The following DHTKD1 variants were observed in gnomAD, a reference collection of about 807,000 sequenced individuals.
The protein encoded by DHTKD1 is dehydrogenase E1 and transketolase domain containing 1.
In DHTKD1, 78 loss-of-function variants were observed where a neutral mutation model predicts 101.8. The ratio of observed to expected loss-of-function variants is 0.77; its 90% CI spans 0.64 to 0.93. The LOEUF is 0.93. Ranked by LOEUF, DHTKD1 falls within the 40% of genes least tolerant of loss-of-function variation. The pLI, the probability that DHTKD1 is intolerant of heterozygous loss-of-function variation, is 0.00. For synonymous variants in DHTKD1, 462 were observed against 450.3 expected (o/e 1.03, Z -0.33); for missense variants, 1,223 against 1,161.7 (o/e 1.05, Z -0.77).
At chr10:12,082,636 G>A (rs1384479477) in intron 2 of DHTKD1, among the ~76,000 whole-genome samples, 1 of 150,826 alleles carries the variant, frequency 6.6e-6, no homozygotes, top group African/African-American at 2.4e-5. Context: ...TTTGAGACGG[G>A]CCTCCAAAGG....
intron 6 of DHTKD1, among the ~76,000 whole-genome samples, 195 bp downstream of exon 6, chr10:12,091,879 AC>A (rs1832996094): frequency 6.6e-6 from 1 of 151,806 alleles, no homozygotes; most frequent in African/African-American, 2.4e-5. Context: ...ATCTTGGCTC[AC>A]TGCAACTTCT....
rs532208791 is a variant in DHTKD1 at position 12,112,313 on chromosome 10, A to G, written c.2155-587A>G. On this transcript the variant is annotated intron_variant, in intron 12 of 16. Transcript: ENST00000263035. ...CTGGGTGAGAGAACGAGACTCTGTA[A>G]CAACAACAAAAATAATTGTCCAGAT... is the stretch of plus-strand genomic sequence containing the variant. 2.8e-4 allele frequency among the ~76,000 whole-genome samples: 43 copies of G among 152,214 alleles called. No homozygotes were observed. In the East Asian group the frequency reaches 7.3e-3, roughly 26 times the overall value.
chr10:12,077,069 A>G (rs1354265872), intron 1 of DHTKD1, among the ~76,000 whole-genome samples: 1 of 147,774 alleles, frequency 6.8e-6, no homozygotes, highest in Non-Finnish European at 1.5e-5. Context: ...TCTTTTGTTT[A>G]TGAAAAATAT....
Position 12,122,212 on chromosome 10 carries a change from A to T in DHTKD1, c.*1324A>T, listed in dbSNP as rs916000694. The T allele has an allele frequency of 6.6e-6, 1 of 152,208 alleles. No individual in the cohort carries two copies. Among genetic ancestry groups the T allele is most frequent in the Non-Finnish European group, 1.5e-5 (1 of 68,048 alleles). The allele number at this position is 152,208 out of a possible 1,614,324, so 9.4% of individuals were successfully genotyped here. ...TTCTTTAAATTGTTCTTACAGTGAT[A>T]TCTTACTATTTTTAACTGTCTGGGG... is the stretch of plus-strand genomic sequence containing the variant. On this transcript the variant is annotated 3_prime_UTR_variant, in exon 17 of 17. Coordinates refer to ENST00000263035, the MANE Select transcript of DHTKD1 (RefSeq NM_018706.7).
At chr10:12,076,093 G>A (rs145959759) in intron 1 of DHTKD1, among the ~76,000 whole-genome samples, 1 of 151,716 alleles carries the variant, frequency 6.6e-6, no homozygotes, top group East Asian at 1.9e-4. Flanking sequence ...CAACTGATGA[G>A]AGCAGTGCTG....
Position 12,120,912 on chromosome 10 carries a change from T to C in DHTKD1, c.*24T>C. ...GATGATGACTTTTGAAGAAACACTA[T>C]TTCTCTTTAAGAAAATGGCCATTAA... is the stretch of plus-strand genomic sequence containing the variant. On this transcript the variant is annotated 3_prime_UTR_variant, in exon 17 of 17. Transcript: ENST00000263035. 1 of 1,609,710 alleles carries C rather than the reference T, an allele frequency of 6.2e-7. No individual in the cohort carries two copies. The highest frequency in any genetic ancestry group is 8.5e-7 in the Non-Finnish European group (1 of 1,176,940).
intron 16 of DHTKD1, 122 bp from the exon 17 acceptor site, chr10:12,120,665 T>C (rs1833513224): frequency 1.2e-6 from 1 of 844,600 alleles, no homozygotes; most frequent in Admixed American, 2.1e-5. Context: ...TAACTCATTA[T>C]TTGAAAGAGG....
intron 7 of DHTKD1, among the ~76,000 whole-genome samples, chr10:12,096,216 C>T (rs897291922): frequency 3.3e-5 from 5 of 151,972 alleles, no homozygotes; most frequent in African/African-American, 4.8e-5. Context: ...GATTCCCCTC[C>T]TCCAAGTTTA....
intron 1 of DHTKD1, among the ~76,000 whole-genome samples, chr10:12,073,686 G>A (rs747646673): frequency 6.6e-6 from 1 of 152,164 alleles, no homozygotes; most frequent in Non-Finnish European, 1.5e-5. Flanking sequence ...GAAAAGCTCA[G>A]TCTGGCCCAG....
Position 12,122,804 on chromosome 10 carries a change from C to T in DHTKD1, c.*1916C>T, listed in dbSNP as rs912695822. Reference sequence around the variant, plus strand: ...CAGCGAACCATGTAGCTTCACCTGACTCAGTGCTGGGGGCCTCTACCATCT... The same window carrying T: ...CAGCGAACCATGTAGCTTCACCTGATTCAGTGCTGGGGGCCTCTACCATCT... On this transcript the variant is annotated 3_prime_UTR_variant, in exon 17 of 17. Coordinates refer to ENST00000263035, the MANE Select transcript of DHTKD1 (RefSeq NM_018706.7). The T allele has an allele frequency of 6.6e-6, 1 of 152,212 alleles. No individual in the cohort carries two copies. Among genetic ancestry groups the T allele is most frequent in the African/African-American group, 2.4e-5 (1 of 41,458 alleles). 9.4% of individuals were successfully genotyped at this position (152,212 alleles called of 1,614,324 possible).
In DHTKD1 at chr10:12,081,307, A is replaced by G. The variant is rs950720697; in HGVS notation, c.155-165A>G. Among the ~76,000 whole-genome samples the G allele has an allele frequency of 1.1e-4, 16 of 144,134 alleles. 1 individual carries two copies. Among genetic ancestry groups the G allele is most frequent in the African/African-American group, 3.7e-4 (14 of 38,246 alleles). The allele number at this position is 144,134 out of a possible 152,430, so 94.6% of individuals were successfully genotyped here. On this transcript the variant is annotated intron_variant, in intron 1 of 16. Transcript: ENST00000263035. ...AAAAAAAAAAAAAAGTGATGGTTCT[A>G]CTGCACTCCAGCCTGGGCAATAGAG...
Position 12,084,698 on chromosome 10 carries a change from A to T in DHTKD1, c.469A>T (p.Thr157Ser). 5.6e-6 allele frequency: 9 copies of T among 1,614,144 alleles called. No homozygotes were observed. Among genetic ancestry groups the T allele is most frequent in the Non-Finnish European group, 7.6e-6 (9 of 1,180,022 alleles). Residue 157 changes from threonine to serine, a missense_variant, in exon 3 of 17, where the codon ACG becomes TCG. Coordinates refer to ENST00000263035, the MANE Select transcript of DHTKD1 (RefSeq NM_018706.7). Reference sequence around the variant, plus strand: ...GCGGTTTGAGGAACTGCAAAAGGAGACGTTTACCACAGAAGAGCGAAAACA... The same window carrying T: ...GCGGTTTGAGGAACTGCAAAAGGAGTCGTTTACCACAGAAGAGCGAAAACA... ...AKRFEELQKE[T>S]FTTEERKHLS...
intron 6 of DHTKD1, among the ~76,000 whole-genome samples, chr10:12,093,644 A>G (rs1279880911): frequency 1.3e-5 from 2 of 152,220 alleles, no homozygotes; most frequent in Non-Finnish European, 2.9e-5. Context: ...GATTAGTCTG[A>G]TGAAGATTCT....
intron 13 of DHTKD1, among the ~76,000 whole-genome samples, chr10:12,114,658 A>G (rs1370500648): frequency 6.6e-6 from 1 of 152,010 alleles, no homozygotes; most frequent in African/African-American, 2.4e-5. Flanking sequence ...AGACGTTTAG[A>G]ATTTGGCCAT....
intron 1 of DHTKD1, among the ~76,000 whole-genome samples, chr10:12,077,335 C>A (rs1832749636): frequency 6.7e-6 from 1 of 150,366 alleles, no homozygotes; most frequent in South Asian, 2.1e-4. Context: ...TCAAGCAATT[C>A]TCCTACTTCA....
chr10:12,069,264 T>A, intron 1 of DHTKD1, 77 bp downstream of exon 1: 1 of 1,014,048 alleles, frequency 9.9e-7, no homozygotes, highest in East Asian at 6.9e-5. Context: ...CGGTGGGGTG[T>A]CGGGGTCGGG....
Position 12,119,529 on chromosome 10 carries a change from T to G in DHTKD1, c.2572+611T>G, listed in dbSNP as rs1249836890. Among the ~76,000 whole-genome samples, 24 of 140,356 alleles carry G rather than the reference T, an allele frequency of 1.7e-4. 1 individual carries two copies. Among genetic ancestry groups the G allele is most frequent in the Non-Finnish European group, 1.8e-4 (12 of 66,686 alleles). 92.1% of individuals were successfully genotyped at this position (140,356 alleles called of 152,430 possible). Reference sequence around the variant, plus strand: ...TACTTGGGAGGCTGACGCAGGAGAATGGCGTGAACCCGGGAGGCGGAGCTT... The same window carrying G: ...TACTTGGGAGGCTGACGCAGGAGAAGGGCGTGAACCCGGGAGGCGGAGCTT... On this transcript the variant is annotated intron_variant, in intron 15 of 16. Transcript: ENST00000263035.
At chr10:12,093,113 G>A (rs900627543) in intron 6 of DHTKD1, among the ~76,000 whole-genome samples, 8 of 150,236 alleles carry the variant, frequency 5.3e-5, no homozygotes, top group Non-Finnish European at 1.0e-4. Flanking sequence ...GCGCCATCTC[G>A]GTTCACCACA....
chr10:12,100,439 A>AT (rs1833151491), intron 9 of DHTKD1, among the ~76,000 whole-genome samples, 177 bp downstream of exon 9: 1 of 150,774 alleles, frequency 6.6e-6, no homozygotes, highest in Non-Finnish European at 1.5e-5. Flanking sequence ...TAATTTTTGT[A>AT]TTTTTAGTAG....
Sources: allele counts gnomAD v4.1 joint callset (sites outside exome capture counted in the v4.1 genomes callset), GRCh38; gene constraint gnomAD v4.1.1; transcripts MANE v1.5; gene names NCBI Gene and HGNC (gene_info 2026-07-23, HGNC 2026-07-21).